LTBP1: variants seen among roughly 807,000 people sequenced by gnomAD.
LTBP1 encodes latent-transforming growth factor beta-binding protein 1.
Under a neutral mutation model 207.6 loss-of-function variants are expected in LTBP1, and 129 were observed. The observed-to-expected ratio is 0.62, with a 90% CI of 0.54 to 0.72. The LOEUF (loss-of-function observed/expected upper bound fraction) is 0.72. Ranked by LOEUF, LTBP1 falls within the 30% of genes least tolerant of loss-of-function variation. The pLI, the probability that LTBP1 is intolerant of heterozygous loss-of-function variation, is 0.00. For missense variants in LTBP1, 2,281 were observed against 2,217.2 expected, an observed-to-expected ratio of 1.03 and a Z score of -0.58; for synonymous variants, 963 against 833.7, an observed-to-expected ratio of 1.16 and a Z score of -2.67.
intron 5 of LTBP1, among the ~76,000 whole-genome samples, chr2:33,140,077 G>A (rs1211862399): frequency 6.6e-6 from 1 of 152,136 alleles, no homozygotes; most frequent in Admixed American, 6.5e-5. Context: ...ACAACCTCTG[G>A]CATCCTGTAG....
chr2:33,371,023 T>G (rs11899010), intron 31 of LTBP1, among the ~76,000 whole-genome samples: 23,074 of 152,154 alleles, frequency 0.15, 3,448 homozygotes, highest in African/African-American at 0.38. Flanking sequence ...GCTGCTTAAA[T>G]AGTGTTCTCT....
chr2:33,270,855 T>C (rs141058944), intron 15 of LTBP1, among the ~76,000 whole-genome samples: 118 of 152,292 alleles, frequency 7.7e-4, no homozygotes, highest in African/African-American at 2.6e-3. Context: ...TCTATATACT[T>C]ATGTATGAGG....
At chr2:33,029,926 G>C (rs546594192) in intron 3 of LTBP1, among the ~76,000 whole-genome samples, 1 of 152,332 alleles carries the variant, frequency 6.6e-6, no homozygotes, top group African/African-American at 2.4e-5. Flanking sequence ...AAGGAAATGT[G>C]ACAACCTATT....
chr2:33,288,923 T>A (rs1375185071), intron 19 of LTBP1, among the ~76,000 whole-genome samples: 1 of 151,984 alleles, frequency 6.6e-6, no homozygotes, highest in African/African-American at 2.4e-5. Context: ...GAGCTTCATG[T>A]TAATCTTGAC....
intron 24 of LTBP1, among the ~76,000 whole-genome samples, chr2:33,340,524 G>A (rs2149635414): frequency 6.6e-6 from 1 of 152,326 alleles, no homozygotes; most frequent in South Asian, 2.1e-4. Flanking sequence ...TGTTCAAGGA[G>A]TGGGCATTCA....
Position 32,947,835 on chromosome 2 carries a change from T to TTCCG in LTBP1, c.494+18_494+21dup. On this transcript the variant is annotated intron_variant, in intron 1 of 33. Transcript: ENST00000404816. ...GCTGCAGGGGTAAGCCCACACCCCCTTCCGCCCGCCCGCCCGCCTCGCGCG... is the reference window on the plus strand; with the variant it reads ...GCTGCAGGGGTAAGCCCACACCCCCTTCCGTCCGCCCGCCCGCCCGCCTCGCGCG... 7.7e-7 allele frequency: 1 copy of TTCCG among 1,293,334 alleles called. No homozygotes were observed. Among genetic ancestry groups the TTCCG allele is most frequent in the South Asian group, 2.7e-5 (1 of 36,862 alleles). The allele number at this position is 1,293,334 out of a possible 1,614,324, so 80.1% of individuals were successfully genotyped here.
At chr2:32,972,712 G>A (rs1681094943) in intron 2 of LTBP1, among the ~76,000 whole-genome samples, 1 of 152,064 alleles carries the variant, frequency 6.6e-6, no homozygotes, top group Non-Finnish European at 1.5e-5. Context: ...TGATAGTGAG[G>A]GAGTTCTCAT....
chr2:32,981,749 T>G (rs899677799), intron 2 of LTBP1, among the ~76,000 whole-genome samples: 4 of 152,172 alleles, frequency 2.6e-5, no homozygotes, highest in African/African-American at 4.8e-5. Flanking sequence ...TGTGCTGTTC[T>G]CATGATAGTG....
At chr2:33,083,108 C>T (rs1313413967) in intron 3 of LTBP1, among the ~76,000 whole-genome samples, 1 of 151,852 alleles carries the variant, frequency 6.6e-6, no homozygotes, top group Non-Finnish European at 1.5e-5. Flanking sequence ...CTCCGTCCTG[C>T]TTGCTGCAGG....
chr2:33,272,716 T>C (rs1409205982), intron 15 of LTBP1, among the ~76,000 whole-genome samples: 1 of 152,206 alleles, frequency 6.6e-6, no homozygotes, highest in Admixed American at 6.5e-5. Context: ...GGCAGCAGCA[T>C]TTGTGCCTGC....
intron 1 of LTBP1, 84 bp downstream of exon 1, chr2:32,947,902 G>A (rs1265263508): frequency 8.4e-7 from 1 of 1,187,532 alleles, no homozygotes; most frequent in Non-Finnish European, 1.1e-6. Context: ...GCCACTCGGA[G>A]CCCCGCGGTG....
chr2:33,189,709 T>A (rs1016207323), intron 7 of LTBP1, among the ~76,000 whole-genome samples: 2 of 152,258 alleles, frequency 1.3e-5, no homozygotes, highest in Non-Finnish European at 1.5e-5. Flanking sequence ...GGAAGTAATA[T>A]TTCATGTTAT....
chr2:33,170,303 A>C (rs1417287061), intron 5 of LTBP1, among the ~76,000 whole-genome samples: 3 of 152,204 alleles, frequency 2.0e-5, no homozygotes. Context: ...TCCCACCCTA[A>C]TACTGCGCTT....
intron 19 of LTBP1, among the ~76,000 whole-genome samples, chr2:33,292,299 A>G (rs2093789487): frequency 6.6e-6 from 1 of 152,240 alleles, no homozygotes; most frequent in South Asian, 2.1e-4. Context: ...CAATTCATAC[A>G]TTCTCTCTTT....
chr2:33,103,836 T>C (rs1157014405), intron 3 of LTBP1, among the ~76,000 whole-genome samples: 4 of 152,022 alleles, frequency 2.6e-5, no homozygotes, highest in African/African-American at 7.3e-5. Context: ...CAGGGTGCAA[T>C]TGATCACTTG....
chr2:33,031,152 C>T (rs1222431650), intron 3 of LTBP1, among the ~76,000 whole-genome samples: 1 of 152,076 alleles, frequency 6.6e-6, no homozygotes, highest in African/African-American at 2.4e-5. Flanking sequence ...TAAAAAATCC[C>T]CCCTTGTCCA....
chr2:33,307,538 C>G (rs1321334378), intron 22 of LTBP1, among the ~76,000 whole-genome samples: 1 of 152,162 alleles, frequency 6.6e-6, no homozygotes, highest in Non-Finnish European at 1.5e-5. Context: ...CCCCAAAGCA[C>G]AAAAGGAGTG....
At chr2:33,300,709 TAA>T in intron 21 of LTBP1, 136 bp downstream of exon 21, 1 of 877,706 alleles carries the variant, frequency 1.1e-6, no homozygotes, top group Non-Finnish European at 1.6e-6. Flanking sequence ...AGCCAGGACT[TAA>T]ACATAAGTTA....
intron 3 of LTBP1, among the ~76,000 whole-genome samples, chr2:33,053,675 A>G (rs2076854578): frequency 6.6e-6 from 1 of 152,186 alleles, no homozygotes; most frequent in South Asian, 2.1e-4. Flanking sequence ...TCTTAGGGCA[A>G]GGATAAGCCA....
Sources: allele counts gnomAD v4.1 joint callset (sites outside exome capture counted in the v4.1 genomes callset), GRCh38; gene constraint gnomAD v4.1.1; transcripts MANE v1.5; gene names NCBI Gene and HGNC (gene_info 2026-07-23, HGNC 2026-07-21).